Variants in RAPGEF6 observed in about 807,000 individuals in gnomAD.
RAPGEF6 encodes PDZ domain containing guanine nucleotide exchange factor (GEF) 2.
RAPGEF6 carries 56 observed loss-of-function variants against 171.4 expected under a neutral mutation model. The observed-to-expected ratio is 0.33, with a 90% CI of 0.26 to 0.41. RAPGEF6 has a LOEUF of 0.41. Ranked by LOEUF, RAPGEF6 falls within the 10% of genes least tolerant of loss-of-function variation. The pLI, the probability that RAPGEF6 is intolerant of heterozygous loss-of-function variation, is 1.00. For synonymous variants in RAPGEF6, 692 were observed against 650.1 expected, an observed-to-expected ratio of 1.06 and a Z score of -0.98; for missense variants, 1,674 against 1,921.4, an observed-to-expected ratio of 0.87 and a Z score of 2.41.
At chr5:131,513,844 C>CA (rs998928098) in intron 7 of RAPGEF6, among the ~76,000 whole-genome samples, 2 of 152,032 alleles carry the variant, frequency 1.3e-5, no homozygotes, top group African/African-American at 2.4e-5. Flanking sequence ...CCTGTCTCTA[C>CA]AAAAAAATAC....
chr5:131,505,310 C>T, intron 10 of RAPGEF6, 54 bp downstream of exon 10: 1 of 1,568,330 alleles, frequency 6.4e-7, no homozygotes, highest in East Asian at 2.2e-5. Context: ...ACAAAACAGG[C>T]TCAGCTACTT....
At position 131,436,566 on chromosome 5, in the gene RAPGEF6, A is replaced by G. The variant is rs573179846; in HGVS notation, c.3746-2908T>C. 2.0e-4 allele frequency among the ~76,000 whole-genome samples: 31 copies of G among 152,318 alleles called. No homozygotes were observed. The South Asian group carries it at 6.4e-3, about 32-fold the overall frequency. ...AAAACATATACACATCAGTTATTGCAAGACAGAATGCAGGAGAAAGATTAC... is the reference window on the plus strand; with the variant it reads ...AAAACATATACACATCAGTTATTGCGAGACAGAATGCAGGAGAAAGATTAC... On this transcript the variant is annotated intron_variant, in intron 24 of 27. Coordinates refer to ENST00000509018, the MANE Select transcript of RAPGEF6 (RefSeq NM_016340.6).
At chr5:131,440,097 G>GGCGC (rs1752280391) in intron 23 of RAPGEF6, 1 of 397,140 alleles carries the variant, frequency 2.5e-6, no homozygotes, top group African/African-American at 2.1e-5. Context: ...TCCAAGTCGG[G>GGCGC]GCGACGCATG....
At chr5:131,483,136 G>A (rs955233491) in intron 15 of RAPGEF6, among the ~76,000 whole-genome samples, 5 of 151,946 alleles carry the variant, frequency 3.3e-5, no homozygotes, top group African/African-American at 1.2e-4. Flanking sequence ...ATCACCTGAG[G>A]TCAGGAGTTC....
At chr5:131,580,511 C>G (rs1762889882) in intron 4 of RAPGEF6, among the ~76,000 whole-genome samples, 1 of 152,166 alleles carries the variant, frequency 6.6e-6, no homozygotes, top group African/African-American at 2.4e-5. Flanking sequence ...AAGGGCTCCT[C>G]AAGCGTGGCC....
At chr5:131,452,003 C>T (rs1299910724) in intron 21 of RAPGEF6, among the ~76,000 whole-genome samples, 2 of 152,092 alleles carry the variant, frequency 1.3e-5, no homozygotes, top group Non-Finnish European at 2.9e-5. Flanking sequence ...GAGGCCGAGG[C>T]GGGCGGATCA....
At chr5:131,577,553 CTT>C (rs1338468020) in intron 4 of RAPGEF6, among the ~76,000 whole-genome samples, 1 of 152,184 alleles carries the variant, frequency 6.6e-6, no homozygotes, top group African/African-American at 2.4e-5. Context: ...CTAATCTTCT[CTT>C]GTCTACTCCA....
In RAPGEF6 at chr5:131,446,544, T is replaced by C. The variant is rs770156656; in HGVS notation, c.3360A>G (p.Val1120=). 1.8e-5 allele frequency: 29 copies of C among 1,614,134 alleles called. No individual in the cohort carries two copies. Among genetic ancestry groups the C allele is most frequent in the Non-Finnish European group, 2.4e-5 (28 of 1,180,042 alleles). The part of the protein sequence containing the change: ...KVKQYLSSLD[V]ETDEEKFQMM... Reference sequence around the variant, plus strand: ...TCTGGAACTTCTCCTCATCTGTCTCTACATCGAGACTGGAAAGATACTGCT... The same window carrying C: ...TCTGGAACTTCTCCTCATCTGTCTCCACATCGAGACTGGAAAGATACTGCT... The change falls in exon 22 of 28, where the codon GTA becomes GTG. Residue 1120 remains valine (V), a synonymous_variant. Transcript: ENST00000509018.
intron 21 of RAPGEF6, among the ~76,000 whole-genome samples, chr5:131,451,423 GAA>G (rs202198403): frequency 1.2e-4 from 16 of 136,736 alleles, no homozygotes; most frequent in Admixed American, 2.9e-4. Context: ...ATCTCTACTG[GAA>G]AAAAAAAAAA....
chr5:131,492,885 T>C, intron 13 of RAPGEF6, 100 bp from the exon 14 acceptor site: 4 of 1,168,032 alleles, frequency 3.4e-6, no homozygotes, highest in South Asian at 1.4e-5. Context: ...TAAATATACA[T>C]GTATAAGCTG....
chr5:131,606,364 G>GAAAAAAAA (rs11357225), intron 1 of RAPGEF6, among the ~76,000 whole-genome samples: 1 of 113,200 alleles, frequency 8.8e-6, no homozygotes. Context: ...CATCTCAAGG[G>GAAAAAAAA]AAAAAAAAAA....
At chr5:131,452,757 C>T (rs933389967) in intron 21 of RAPGEF6, among the ~76,000 whole-genome samples, 1 of 151,704 alleles carries the variant, frequency 6.6e-6, no homozygotes, top group Non-Finnish European at 1.5e-5. Context: ...TGAGCCACTG[C>T]GCCCGGCCTG....
intron 21 of RAPGEF6, chr5:131,447,158 T>C (rs890558482): frequency 6.3e-6 from 1 of 157,990 alleles, no homozygotes; most frequent in African/African-American, 2.4e-5. Context: ...GACATGCTAT[T>C]GCCACTACCA....
chr5:131,501,348 A>T (rs1357075192), intron 11 of RAPGEF6, among the ~76,000 whole-genome samples: 1 of 152,030 alleles, frequency 6.6e-6, no homozygotes, highest in East Asian at 1.9e-4. Flanking sequence ...AAAAAAAAAA[A>T]AAAATCAAAT....
intron 4 of RAPGEF6, among the ~76,000 whole-genome samples, chr5:131,585,920 T>C (rs1226787661): frequency 1.3e-5 from 2 of 152,340 alleles, no homozygotes; most frequent in Admixed American, 6.5e-5. Flanking sequence ...CTTTCCAGAC[T>C]GAACCAATGC....
intron 12 of RAPGEF6, among the ~76,000 whole-genome samples, chr5:131,497,754 T>TA (rs1229846466): frequency 6.6e-6 from 1 of 152,218 alleles, no homozygotes; most frequent in Admixed American, 6.5e-5. Flanking sequence ...TTATTTCCTT[T>TA]AAAATATAAC....
intron 4 of RAPGEF6, among the ~76,000 whole-genome samples, chr5:131,562,689 C>T (rs1276834879): frequency 6.6e-6 from 1 of 152,194 alleles, no homozygotes; most frequent in East Asian, 1.9e-4. Flanking sequence ...ACGGGAAATG[C>T]TACATAAATA....
intron 6 of RAPGEF6, among the ~76,000 whole-genome samples, chr5:131,538,292 C>CA (rs1478678507): frequency 9.9e-5 from 15 of 152,126 alleles, no homozygotes; most frequent in Admixed American, 9.8e-4. Context: ...CATCCTTGGG[C>CA]AAACATCACT....
intron 6 of RAPGEF6, among the ~76,000 whole-genome samples, chr5:131,525,078 A>G (rs1379951418): frequency 1.3e-5 from 2 of 152,258 alleles, no homozygotes; most frequent in African/African-American, 2.4e-5. Context: ...CAATTATGCC[A>G]TAAATTTTTA....
Sources: allele counts gnomAD v4.1 joint callset (sites outside exome capture counted in the v4.1 genomes callset), GRCh38; gene constraint gnomAD v4.1.1; transcripts MANE v1.5; gene names NCBI Gene and HGNC (gene_info 2026-07-23, HGNC 2026-07-21).